CNIH3: variants seen among roughly 807,000 people sequenced by gnomAD.
The protein encoded by CNIH3 is protein cornichon homolog 3.
A neutral mutation model predicts 24.1 loss-of-function variants in CNIH3; 14 were observed. That is an observed-to-expected ratio of 0.58 (90% confidence interval 0.38 to 0.91). The LOEUF is 0.91. Ranked by LOEUF, CNIH3 falls within the 40% of genes least tolerant of loss-of-function variation. The pLI is 0.00. For synonymous variants in CNIH3, 68 were observed against 73.8 expected (o/e 0.92, Z 0.40); for missense variants, 178 against 196.8 (o/e 0.90, Z 0.57).
intron 1 of CNIH3, among the ~76,000 whole-genome samples, chr1:224,455,928 A>G (rs1361107494): frequency 6.6e-6 from 1 of 152,230 alleles, no homozygotes; most frequent in African/African-American, 2.4e-5. Context: ...TATGAATACT[A>G]CCAGTGTTTT....
At position 224,639,653 on chromosome 1, in the gene CNIH3, T is replaced by TC. The variant is rs1353891506; in HGVS notation, c.81+22399dup. ...ACCAGATGGAAAATGGAAAATGCCA[T>TC]CACTGGCAGGTAGACCTCAGATAAG... On this transcript the variant is annotated intron_variant, in intron 1 of 5. Coordinates refer to ENST00000272133, the MANE Select transcript of CNIH3 (RefSeq NM_152495.2). 3.3e-5 allele frequency among the ~76,000 whole-genome samples: 5 copies of TC among 152,282 alleles called. No individual in the cohort carries two copies. The East Asian group carries it at 9.6e-4, about 29-fold the overall frequency.
intron 3 of CNIH3, among the ~76,000 whole-genome samples, chr1:224,711,699 G>T (rs1688158862): frequency 1.3e-5 from 2 of 151,110 alleles, no homozygotes; most frequent in South Asian, 4.2e-4. Flanking sequence ...GGAGGCTGAG[G>T]TGGGAGGATT....
At chr1:224,450,256 C>T (rs1490999324) in intron 1 of CNIH3, among the ~76,000 whole-genome samples, 1 of 151,844 alleles carries the variant, frequency 6.6e-6, no homozygotes, top group African/African-American at 2.4e-5. Context: ...GGAAGACCAG[C>T]AAAAAGAAAT....
downstream of CNIH3, among the ~76,000 whole-genome samples, chr1:224,592,570 T>A (rs1357270379): frequency 1.3e-5 from 2 of 152,178 alleles, no homozygotes; most frequent in East Asian, 3.9e-4. Context: ...AGGAATATAT[T>A]TCACATCTGA....
downstream of CNIH3, among the ~76,000 whole-genome samples, chr1:224,541,487 G>A (rs557427547): frequency 5.3e-5 from 8 of 152,230 alleles, no homozygotes; most frequent in Admixed American, 1.3e-4. Flanking sequence ...GAGGAAAGAG[G>A]GAGAAAAGGC....
At position 224,616,588 on chromosome 1, in the gene CNIH3, C is replaced by A. The variant is rs1200762426; in HGVS notation, c.-587C>A. On this transcript the variant is annotated 5_prime_UTR_variant, in exon 1 of 6. Transcript: ENST00000272133. ...GGGGCGCAGGACCAACGGGACCTAC[C>A]TCCTCCCGGCTACCTAAAGACTCCT... 3.0e-6 allele frequency: 3 copies of A among 986,548 alleles called. No individual in the cohort carries two copies. The highest frequency in any genetic ancestry group is 3.6e-6 in the Non-Finnish European group (3 of 830,848). 61.1% of individuals were successfully genotyped at this position (986,548 alleles called of 1,614,324 possible). A position where few individuals can be genotyped will look rare whatever the true frequency, so the allele number is the denominator to read the frequency against.
upstream of CNIH3, among the ~76,000 whole-genome samples, chr1:224,613,429 G>T (rs974048052): frequency 2.0e-5 from 3 of 152,220 alleles, no homozygotes; most frequent in Non-Finnish European, 4.4e-5. Context: ...CCAGGGTCTT[G>T]TGCTCAGAAG....
At chr1:224,633,928 C>T (rs1013527148) in intron 1 of CNIH3, among the ~76,000 whole-genome samples, 12 of 152,264 alleles carry the variant, frequency 7.9e-5, no homozygotes, top group African/African-American at 2.2e-4. Flanking sequence ...TCAAGATTAA[C>T]TTCTTGGTGC....
chr1:224,653,832 C>T lies in CNIH3; in HGVS notation c.82-27126C>T, dbSNP rs2125107954. On this transcript the variant is annotated intron_variant, in intron 1 of 5. Transcript: ENST00000272133. ...TAGTGGTGCACACCTGTAATCCCAG[C>T]ACTTCGGTAGGCCGAGGCAGGCTGA... Among the ~76,000 whole-genome samples, 3 of 152,332 alleles carry T rather than the reference C, an allele frequency of 2.0e-5. No homozygotes were observed. The South Asian group carries it at 6.2e-4, about 32-fold the overall frequency.
intron 2 of CNIH3, among the ~76,000 whole-genome samples, chr1:224,536,322 A>G (rs1572432440): frequency 9.9e-6 from 1 of 100,862 alleles, no homozygotes; most frequent in African/African-American, 4.1e-5. Context: ...ACAGAGTTGT[A>G]CTCTTGTCGC....
intron 5 of CNIH3, among the ~76,000 whole-genome samples, chr1:224,586,437 G>A (rs1359418834): frequency 6.6e-6 from 1 of 152,114 alleles, no homozygotes; most frequent in Non-Finnish European, 1.5e-5. Flanking sequence ...GAACAGCATG[G>A]GAAAGACCTG....
At chr1:224,710,657 A>G (rs1230819333) in intron 3 of CNIH3, among the ~76,000 whole-genome samples, 2 of 152,148 alleles carry the variant, frequency 1.3e-5, no homozygotes, top group African/African-American at 4.8e-5. Flanking sequence ...AGTATTTGCT[A>G]TGTGCCAAGG....
intron 1 of CNIH3, among the ~76,000 whole-genome samples, chr1:224,502,169 T>C (rs1277208178): frequency 6.6e-6 from 1 of 152,068 alleles, no homozygotes; most frequent in African/African-American, 2.4e-5. Flanking sequence ...CTGGTTTTCT[T>C]GGGGTCCTCA....
chr1:224,500,795 T>C (rs933196402), intron 1 of CNIH3, among the ~76,000 whole-genome samples: 29 of 152,206 alleles, frequency 1.9e-4, no homozygotes, highest in African/African-American at 5.1e-4. Flanking sequence ...TGGGCTGGGA[T>C]GTGCTGAGTG....
intron 3 of CNIH3, among the ~76,000 whole-genome samples, chr1:224,716,153 C>T (rs1399923728): frequency 1.3e-5 from 2 of 152,184 alleles, no homozygotes; most frequent in Non-Finnish European, 2.9e-5. Context: ...CCCTAACTAC[C>T]TGTCCTGACC....
rs375888192 is a variant in CNIH3, at chr1:224,579,059, TC to T, written n.517-4104del. On this transcript the variant is annotated intron_variant and non_coding_transcript_variant, in intron 4 of 5. Transcript: ENST00000471578. The stretch of plus-strand genomic sequence containing the variant: ...TTGGACCTCCTGAACTGATCATGTT[TC>T]TTTTTTCTTTTTTTTTTTTTCTTTC... Among the ~76,000 whole-genome samples, 251 of 145,732 alleles carry T rather than the reference TC, an allele frequency of 1.7e-3. 1 individual carries two copies. The highest frequency in any genetic ancestry group is 5.8e-3 in the African/African-American group (226 of 38,860).
chr1:224,526,203 C>T (rs1678839913), intron 2 of CNIH3, among the ~76,000 whole-genome samples: 1 of 152,186 alleles, frequency 6.6e-6, no homozygotes, highest in African/African-American at 2.4e-5. Flanking sequence ...ATCTGGCTAA[C>T]CAGGCAAAAG....
At chr1:224,624,258 CGT>C (rs1401685416) in intron 1 of CNIH3, among the ~76,000 whole-genome samples, 1 of 152,176 alleles carries the variant, frequency 6.6e-6, no homozygotes. Context: ...GACTGCTGTC[CGT>C]GTCTTCTTTG....
chr1:224,682,450 A>G (rs10799276), intron 2 of CNIH3, among the ~76,000 whole-genome samples: 31,766 of 152,170 alleles, frequency 0.21, 3,883 homozygotes, highest in African/African-American at 0.34. Context: ...CCACTTTGGC[A>G]TCATATTTTT....
Sources: gnomAD v4.1 joint callset for allele counts (sites outside exome capture counted in the v4.1 genomes callset) on GRCh38, gnomAD v4.1.1 for gene constraint, MANE v1.5 for transcripts, NCBI Gene and HGNC (gene_info 2026-07-23, HGNC 2026-07-21) for gene names.